The following ESYT2 variants were observed in gnomAD, a reference collection of about 807,000 sequenced individuals.
ESYT2 encodes the protein extended synaptotagmin-2.
In ESYT2, 54 loss-of-function variants were observed where a neutral mutation model predicts 107.2. The ratio of observed to expected loss-of-function variants is 0.50; its 90% confidence interval spans 0.40 to 0.63. ESYT2 has a LOEUF of 0.63. Among genes scored for constraint, ESYT2 ranks in the 30% least tolerant of loss-of-function variants. The pLI, the probability that ESYT2 is intolerant of heterozygous loss-of-function variation, is 0.00. For missense variants in ESYT2, 1,020 were observed against 1,094.5 expected (o/e 0.93, Z 0.96); for synonymous variants, 491 against 434.1 (o/e 1.13, Z -1.63).
intron 6 of ESYT2, among the ~76,000 whole-genome samples, chr7:158,782,502 T>A (rs1015839284): frequency 8.9e-6 from 1 of 112,428 alleles, no homozygotes; most frequent in Non-Finnish European, 1.9e-5. Context: ...GTGAAACAAG[T>A]GAGAACAAGT....
intron 9 of ESYT2, among the ~76,000 whole-genome samples, 176 bp downstream of exon 9, chr7:158,764,499 TTG>T (rs1357542098): frequency 6.6e-6 from 1 of 152,208 alleles, no homozygotes; most frequent in Non-Finnish European, 1.5e-5. Context: ...GACAAGAATG[TTG>T]TGTAGTAAGG....
chr7:158,809,248 C>T (rs538109337), intron 1 of ESYT2, among the ~76,000 whole-genome samples: 5 of 151,896 alleles, frequency 3.3e-5, no homozygotes, highest in Middle Eastern at 6.8e-3. Context: ...GAGGCCAAGG[C>T]GGGCGGATCA....
At chr7:158,756,639 T>C (rs538705435) in intron 13 of ESYT2, among the ~76,000 whole-genome samples, 1 of 152,258 alleles carries the variant, frequency 6.6e-6, no homozygotes, top group Admixed American at 6.5e-5. Flanking sequence ...CCGGGCATGG[T>C]GGCTCACACC....
At chr7:158,817,999 C>T (rs778989953) in intron 1 of ESYT2, among the ~76,000 whole-genome samples, 1 of 152,144 alleles carries the variant, frequency 6.6e-6, no homozygotes, top group Non-Finnish European at 1.5e-5. Context: ...CTACCTTACT[C>T]TGGGAAACTT....
At chr7:158,738,658 G>C (rs1169507163) in intron 19 of ESYT2, among the ~76,000 whole-genome samples, 1 of 151,996 alleles carries the variant, frequency 6.6e-6, no homozygotes, top group Non-Finnish European at 1.5e-5. Context: ...TCTCCATTTT[G>C]GTCAGGCTGG....
At chr7:158,788,199 TCTTA>T in intron 5 of ESYT2, 106 bp from the exon 6 acceptor site, 1 of 1,173,712 alleles carries the variant, frequency 8.5e-7, no homozygotes. Context: ...GCATGTGACT[TCTTA>T]TTTATCTCAA....
At chr7:158,761,603 A>T in intron 10 of ESYT2, 59 bp from the exon 11 acceptor site, 1 of 1,463,526 alleles carries the variant, frequency 6.8e-7, no homozygotes, top group Non-Finnish European at 9.5e-7. Context: ...TACTGAAACA[A>T]CTTTAAAACA....
Position 158,829,120 on chromosome 7 carries a change from A to G in ESYT2, c.299T>C (p.Leu100Pro), listed in dbSNP as rs766500103. ...LLEDEERVVR[L>P]GVRACDLPAW... ...GGGCAGGTCGCAGGCGCGCACCCCC[A>G]GGCGCACGACGCGCTCCTCGTCTTC... Residue 100 changes from leucine (L) to proline (P), a missense_variant, in exon 1 of 23, where the codon CTG (leucine) becomes CCG (proline). Physicochemically the swap from Leu to Pro is moderately conservative, Grantham distance 98. Coordinates refer to ENST00000275418, the MANE Select transcript of ESYT2 (RefSeq NM_001367773.1). The G allele has an allele frequency of 2.5e-6, 4 of 1,578,192 alleles. No individual in the cohort carries two copies. In the East Asian group the frequency reaches 6.9e-5, roughly 27 times the overall value.
intron 13 of ESYT2, among the ~76,000 whole-genome samples, chr7:158,753,845 A>T (rs1587391485): frequency 6.6e-6 from 1 of 152,074 alleles, no homozygotes; most frequent in East Asian, 1.9e-4. Context: ...GGGCTCATAT[A>T]CAATGAGGAT....
intron 6 of ESYT2, among the ~76,000 whole-genome samples, chr7:158,774,766 C>T (rs1838491402): frequency 6.6e-6 from 1 of 152,212 alleles, no homozygotes. Flanking sequence ...AGATATAGCA[C>T]AGAATCTTGC....
chr7:158,749,805 A>G, intron 14 of ESYT2, 82 bp from the exon 15 acceptor site: 9 of 1,234,598 alleles, frequency 7.3e-6, no homozygotes, highest in Non-Finnish European at 1.0e-5. Flanking sequence ...TTACTGGCTT[A>G]TATTAGTAGT....
intron 1 of ESYT2, among the ~76,000 whole-genome samples, chr7:158,816,953 C>T (rs1434215583): frequency 3.9e-5 from 6 of 152,192 alleles, no homozygotes; most frequent in African/African-American, 1.4e-4. Context: ...CACTTACTAG[C>T]CATTTAAAGA....
chr7:158,757,574 A>AT (rs1837803579), intron 13 of ESYT2, among the ~76,000 whole-genome samples: 1 of 151,924 alleles, frequency 6.6e-6, no homozygotes, highest in Admixed American at 6.6e-5. Context: ...GCGCCAAAGG[A>AT]TCCCAGAGCT....
intron 1 of ESYT2, among the ~76,000 whole-genome samples, chr7:158,825,508 A>G (rs1398195500): frequency 6.6e-6 from 1 of 152,244 alleles, no homozygotes; most frequent in Non-Finnish European, 1.5e-5. Flanking sequence ...TGTTTATATT[A>G]AAGCTGTAGG....
chr7:158,805,475 T>TACTA (rs1367969639), intron 1 of ESYT2, among the ~76,000 whole-genome samples: 2 of 152,230 alleles, frequency 1.3e-5, no homozygotes, highest in Non-Finnish European at 2.9e-5. Context: ...ATGGTCAAAT[T>TACTA]ACTACCTCCA....
intron 5 of ESYT2, 51 bp from the exon 6 acceptor site, chr7:158,788,144 C>T (rs540342385): frequency 6.8e-7 from 1 of 1,474,214 alleles, no homozygotes; most frequent in Non-Finnish European, 9.5e-7. Flanking sequence ...TTCTGCAGGG[C>T]CGCTTAACGC....
At chr7:158,799,772 G>A (rs1839576397) in intron 1 of ESYT2, among the ~76,000 whole-genome samples, 1 of 152,082 alleles carries the variant, frequency 6.6e-6, no homozygotes, top group Admixed American at 6.6e-5. Flanking sequence ...CCCAGATAGG[G>A]ATCCCTCTTA....
At position 158,759,565 on chromosome 7, in the gene ESYT2, T is replaced by C; in HGVS notation, c.1340A>G (p.Lys447Arg). Residue 447 changes from lysine to arginine, a missense_variant, in exon 13 of 23, where the codon AAA (lysine) becomes AGA (arginine). Transcript: ENST00000275418. ...ATCGTTGGCTTGGTCTTTGTCAGCT[T>C]TGATGTCTGTTAGCACCTAAAAGGA... ...SNLDKVLTDI[K>R]ADKDQANDGL... 6.2e-7 allele frequency: 1 copy of C among 1,611,986 alleles called. No homozygotes were observed.
chr7:158,804,986 T>A (rs1839784056), intron 1 of ESYT2, among the ~76,000 whole-genome samples: 1 of 152,136 alleles, frequency 6.6e-6, no homozygotes, highest in Admixed American at 6.5e-5. Context: ...GAAAAAGTAT[T>A]AGGGACAGTA....
Sources: gnomAD v4.1 joint callset for allele counts (sites outside exome capture counted in the v4.1 genomes callset) on GRCh38, gnomAD v4.1.1 for gene constraint, MANE v1.5 for transcripts, NCBI Gene and HGNC (gene_info 2026-07-23, HGNC 2026-07-21) for gene names.